GNAQ: variants seen among roughly 807,000 people sequenced by gnomAD.
GNAQ encodes the protein guanine nucleotide-binding protein G(q) subunit alpha.
A neutral mutation model predicts 43.9 loss-of-function variants in GNAQ; 8 were observed. That is an observed-to-expected ratio of 0.18 (90% CI 0.11 to 0.33). GNAQ has a LOEUF of 0.33. GNAQ is among the 10% of genes least tolerant of loss of function. The pLI is 1.00. For synonymous variants in GNAQ, 155 were observed against 170.7 expected, an observed-to-expected ratio of 0.91 and a Z score of 0.71; for missense variants, 158 against 450.8, an observed-to-expected ratio of 0.35 and a Z score of 5.88.
intron 2 of GNAQ, among the ~76,000 whole-genome samples, chr9:77,845,988 C>T (rs192713834): frequency 2.6e-5 from 4 of 152,122 alleles, no homozygotes; most frequent in Non-Finnish European, 4.4e-5. Context: ...GGCCAGGAGG[C>T]GATGCTCTAG....
chr9:77,997,388 C>T (rs543493725), intron 1 of GNAQ, among the ~76,000 whole-genome samples: 43 of 152,332 alleles, frequency 2.8e-4, no homozygotes, highest in African/African-American at 1.0e-3. Flanking sequence ...CAGGGCTTAA[C>T]TGCCGCTCTG....
At chr9:77,923,127 CA>C (rs1363588320) in intron 1 of GNAQ, among the ~76,000 whole-genome samples, 1 of 152,034 alleles carries the variant, frequency 6.6e-6, no homozygotes, top group African/African-American at 2.4e-5. Context: ...ACACCCAGCC[CA>C]TTTTCTCCAA....
rs374981293 is a variant in GNAQ at position 78,023,930 on chromosome 9, T to C, written c.136+7170A>G. On this transcript the variant is annotated intron_variant, in intron 1 of 6. Coordinates refer to ENST00000286548, the MANE Select transcript of GNAQ (RefSeq NM_002072.5). ...AATTATGTGTGTATAAACACACACA[T>C]ATTGTATATGTGTGTATATACACAC... Among the ~76,000 whole-genome samples the C allele has an allele frequency of 1.6e-4, 24 of 152,342 alleles. No individual in the cohort carries two copies. The East Asian group carries it at 2.7e-3, about 17-fold the overall frequency.
At chr9:78,017,067 T>C (rs533831115) in intron 1 of GNAQ, among the ~76,000 whole-genome samples, 49 of 152,340 alleles carry the variant, frequency 3.2e-4, no homozygotes, top group African/African-American at 1.1e-3. Flanking sequence ...CAATGTTCAC[T>C]GTAGCACTGA....
chr9:77,857,174 A>G (rs1827768520), intron 2 of GNAQ, among the ~76,000 whole-genome samples: 1 of 152,212 alleles, frequency 6.6e-6, no homozygotes, highest in Non-Finnish European at 1.5e-5. Flanking sequence ...AAACCCAAAC[A>G]TGGAATTGAC....
intron 3 of GNAQ, among the ~76,000 whole-genome samples, chr9:77,806,356 A>G (rs1029490401): frequency 1.3e-5 from 2 of 152,196 alleles, no homozygotes; most frequent in Admixed American, 6.5e-5. Flanking sequence ...TAATTTACAC[A>G]TATTTATTGG....
intron 2 of GNAQ, among the ~76,000 whole-genome samples, chr9:77,862,524 G>A (rs999939602): frequency 1.3e-5 from 2 of 152,142 alleles, no homozygotes; most frequent in Non-Finnish European, 2.9e-5. Context: ...TCAGCTACTA[G>A]TGGAGCAGCT....
At chr9:78,011,346 C>T (rs556131726) in intron 1 of GNAQ, among the ~76,000 whole-genome samples, 2 of 152,168 alleles carry the variant, frequency 1.3e-5, no homozygotes, top group East Asian at 1.9e-4. Flanking sequence ...GAGATTCCAC[C>T]CACCCTATTT....
intron 2 of GNAQ, among the ~76,000 whole-genome samples, chr9:77,843,398 C>A (rs1335502499): frequency 2.0e-5 from 3 of 152,138 alleles, no homozygotes; most frequent in Non-Finnish European, 4.4e-5. Context: ...ATAGAGCTGG[C>A]CTGGTTTTAC....
chr9:77,955,063 T>A (rs768866603), intron 1 of GNAQ, among the ~76,000 whole-genome samples: 3 of 152,182 alleles, frequency 2.0e-5, no homozygotes, highest in Non-Finnish European at 2.9e-5. Context: ...TATGACACAG[T>A]TTACACTGGC....
At chr9:77,865,360 T>G (rs1827930641) in intron 2 of GNAQ, among the ~76,000 whole-genome samples, 1 of 152,228 alleles carries the variant, frequency 6.6e-6, no homozygotes, top group Non-Finnish European at 1.5e-5. Context: ...TTTTATGAAA[T>G]TACTAAACTC....
intron 1 of GNAQ, among the ~76,000 whole-genome samples, chr9:77,940,895 A>G (rs1360491913): frequency 6.6e-6 from 1 of 150,540 alleles, no homozygotes; most frequent in African/African-American, 2.4e-5. Context: ...TGAACCCAGG[A>G]GGAGCTTGCA....
chr9:77,915,469 A>G (rs777797313), intron 2 of GNAQ, among the ~76,000 whole-genome samples: 13 of 152,310 alleles, frequency 8.5e-5, no homozygotes, highest in Middle Eastern at 3.4e-3. Flanking sequence ...ATGGAAGGTT[A>G]GTAGTATTCA....
chr9:77,999,559 C>T (rs1479253731), intron 1 of GNAQ, among the ~76,000 whole-genome samples: 1 of 152,128 alleles, frequency 6.6e-6, no homozygotes, highest in Non-Finnish European at 1.5e-5. Flanking sequence ...GGAATTAGGC[C>T]TCCTAAGATA....
At chr9:77,959,081 T>C (rs1353832233) in intron 1 of GNAQ, among the ~76,000 whole-genome samples, 2 of 152,146 alleles carry the variant, frequency 1.3e-5, no homozygotes, top group Non-Finnish European at 2.9e-5. Flanking sequence ...TATATAAACA[T>C]CTCCATTAGA....
intron 2 of GNAQ, among the ~76,000 whole-genome samples, chr9:77,828,778 G>A (rs1417081439): frequency 6.6e-6 from 1 of 152,178 alleles, no homozygotes; most frequent in Non-Finnish European, 1.5e-5. Context: ...AAAGTAGTTG[G>A]AAGGCCTGGG....
rs1459829613 is a variant in GNAQ at position 77,716,432 on chromosome 9, G to T, written c.*4891C>A. The T allele has an allele frequency of 1.3e-5, 3 of 232,388 alleles. No homozygotes were observed. The highest frequency in any genetic ancestry group is 2.2e-5 in the African/African-American group (1 of 45,254). The allele number at this position is 232,388 out of a possible 1,614,324, so 14.4% of individuals were successfully genotyped here. A position where few individuals can be genotyped will look rare whatever the true frequency, so the allele number is the denominator to read the frequency against. On this transcript the variant is annotated 3_prime_UTR_variant, in exon 7 of 7. Coordinates refer to ENST00000286548, the MANE Select transcript of GNAQ (RefSeq NM_002072.5). ...AACAGTAAATATTCTTTTAAATACT[G>T]CAAGTTAAAAATGTTTTCTGACAAA... is the stretch of plus-strand genomic sequence containing the variant.
At chr9:77,902,135 C>A (rs954060775) in intron 2 of GNAQ, among the ~76,000 whole-genome samples, 2 of 152,160 alleles carry the variant, frequency 1.3e-5, no homozygotes, top group Non-Finnish European at 2.9e-5. Flanking sequence ...GTTACTAATG[C>A]CTCCACCTCT....
chr9:77,804,367 G>A (rs1016936181), intron 3 of GNAQ, among the ~76,000 whole-genome samples: 11 of 152,108 alleles, frequency 7.2e-5, no homozygotes, highest in Non-Finnish European at 1.3e-4. Flanking sequence ...TATAGCTAGG[G>A]TTAATAAATT....
Sources: allele counts gnomAD v4.1 joint callset (sites outside exome capture counted in the v4.1 genomes callset), GRCh38; gene constraint gnomAD v4.1.1; transcripts MANE v1.5; gene names NCBI Gene and HGNC (gene_info 2026-07-23, HGNC 2026-07-21).